The following SLIT3 variants were observed in gnomAD, a reference collection of about 807,000 sequenced individuals.
SLIT3 encodes slit homolog 3 protein.
A neutral mutation model predicts 184.0 loss-of-function variants in SLIT3; 68 were observed. The observed-to-expected ratio is 0.37, with a 90% CI of 0.30 to 0.45. SLIT3 has a LOEUF of 0.45. SLIT3 is among the 20% of genes least tolerant of loss of function. The pLI is 1.00. For missense variants in SLIT3, 1,707 were observed against 2,026.0 expected (o/e 0.84, Z 3.02); for synonymous variants, 831 against 828.6 (o/e 1.00, Z -0.05).
intron 14 of SLIT3, 22 bp downstream of exon 14, chr5:168,772,759 C>T: frequency 4.3e-6 from 7 of 1,613,824 alleles, no homozygotes; most frequent in Non-Finnish European, 5.9e-6. Context: ...GAAAGCGGGG[C>T]CCAGCCCCGT....
chr5:168,819,276 A>C (rs1372669696), intron 7 of SLIT3, among the ~76,000 whole-genome samples: 2 of 152,228 alleles, frequency 1.3e-5, no homozygotes, highest in African/African-American at 4.8e-5. Flanking sequence ...TTATTCATTA[A>C]GCATTAACCA....
chr5:168,934,892 G>A (rs1189510952), intron 4 of SLIT3, among the ~76,000 whole-genome samples: 2 of 151,448 alleles, frequency 1.3e-5, no homozygotes, highest in Non-Finnish European at 2.9e-5. Context: ...CACTTTGGGA[G>A]GCCGAGATGG....
chr5:168,988,037 C>G (rs372531018), intron 4 of SLIT3, among the ~76,000 whole-genome samples: 56 of 152,342 alleles, frequency 3.7e-4, no homozygotes, highest in African/African-American at 1.2e-3. Flanking sequence ...CTTTCAGCCA[C>G]ACTCCATCAG....
intron 5 of SLIT3, among the ~76,000 whole-genome samples, chr5:168,875,354 G>C (rs550261610): frequency 6.6e-6 from 1 of 152,032 alleles, no homozygotes; most frequent in Non-Finnish European, 1.5e-5. Context: ...GAAGGTGGCC[G>C]GGCATGGTGG....
chr5:168,743,550 C>T (rs898207436), intron 20 of SLIT3, among the ~76,000 whole-genome samples: 1 of 152,182 alleles, frequency 6.6e-6, no homozygotes, highest in Non-Finnish European at 1.5e-5. Flanking sequence ...TCTCCTCGGA[C>T]CTCCCTATTT....
At chr5:169,050,733 T>C (rs1757787761) in intron 4 of SLIT3, among the ~76,000 whole-genome samples, 2 of 152,132 alleles carry the variant, frequency 1.3e-5, no homozygotes, top group African/African-American at 4.8e-5. Context: ...ACGTTGAGCT[T>C]GCTGCCAACT....
intron 18 of SLIT3, 161 bp downstream of exon 18, chr5:168,752,794 C>T: frequency 3.0e-6 from 2 of 666,830 alleles, no homozygotes; most frequent in South Asian, 1.9e-5. Context: ...GCAGCCTCAA[C>T]ACCTAGACGA....
chr5:168,935,675 G>A (rs573051496), intron 4 of SLIT3, among the ~76,000 whole-genome samples: 1 of 152,322 alleles, frequency 6.6e-6, no homozygotes, highest in East Asian at 1.9e-4. Flanking sequence ...GTGCATTTCA[G>A]CTTTCATGGT....
intron 23 of SLIT3, among the ~76,000 whole-genome samples, chr5:168,715,957 C>A (rs1380951531): frequency 1.3e-5 from 2 of 151,590 alleles, no homozygotes; most frequent in African/African-American, 4.9e-5. Context: ...CAGGCATGAG[C>A]CACTGCGCCC....
intron 6 of SLIT3, among the ~76,000 whole-genome samples, chr5:168,830,800 T>A (rs1232689927): frequency 1.3e-5 from 2 of 152,206 alleles, no homozygotes; most frequent in Non-Finnish European, 2.9e-5. Flanking sequence ...ATATTTTTCA[T>A]CATTACACAA....
intron 6 of SLIT3, among the ~76,000 whole-genome samples, chr5:168,841,228 T>A (rs1758236055): frequency 6.6e-6 from 1 of 152,170 alleles, no homozygotes; most frequent in South Asian, 2.1e-4. Flanking sequence ...AGCTAAGCAG[T>A]TACTTGCCTT....
At chr5:169,067,945 T>G (rs1221179338) in intron 4 of SLIT3, among the ~76,000 whole-genome samples, 1 of 152,254 alleles carries the variant, frequency 6.6e-6, no homozygotes, top group African/African-American at 2.4e-5. Flanking sequence ...TGATAATTAT[T>G]AGCTGCTTTT....
intron 1 of SLIT3, among the ~76,000 whole-genome samples, chr5:169,279,951 T>G (rs1766940357): frequency 1.3e-5 from 2 of 152,220 alleles, no homozygotes; most frequent in African/African-American, 4.8e-5. Flanking sequence ...CACGCTTGCT[T>G]TTGTTCACTA....
intron 1 of SLIT3, among the ~76,000 whole-genome samples, chr5:169,295,921 G>A (rs1478655504): frequency 6.6e-6 from 1 of 152,230 alleles, no homozygotes; most frequent in Non-Finnish European, 1.5e-5. Flanking sequence ...AGAAAGCCCT[G>A]TGGTTTAAGT....
chr5:168,892,421 C>G (rs1760502461), intron 4 of SLIT3, among the ~76,000 whole-genome samples: 1 of 152,174 alleles, frequency 6.6e-6, no homozygotes, highest in Non-Finnish European at 1.5e-5. Flanking sequence ...TGTAGCTACG[C>G]AGCATCTCAT....
chr5:168,737,188 G>A (rs541057800), intron 20 of SLIT3, among the ~76,000 whole-genome samples: 14 of 152,098 alleles, frequency 9.2e-5, no homozygotes, highest in East Asian at 1.9e-4. Flanking sequence ...CTGCTGCGTC[G>A]CACTCCCCCT....
intron 4 of SLIT3, among the ~76,000 whole-genome samples, chr5:168,904,064 A>C (rs1760962577): frequency 6.6e-6 from 1 of 152,142 alleles, no homozygotes; most frequent in Admixed American, 6.6e-5. Flanking sequence ...TGTGTGAGGC[A>C]CTTGGCAAAG....
intron 3 of SLIT3, among the ~76,000 whole-genome samples, chr5:169,220,740 T>G (rs1764591996): frequency 6.6e-6 from 1 of 152,170 alleles, no homozygotes; most frequent in Non-Finnish European, 1.5e-5. Flanking sequence ...ATAGTAACAA[T>G]AAAAATACAT....
At chr5:168,687,585 C>G (rs897361946) in intron 29 of SLIT3, among the ~76,000 whole-genome samples, 1 of 152,214 alleles carries the variant, frequency 6.6e-6, no homozygotes, top group Non-Finnish European at 1.5e-5. Context: ...AGTGATAATA[C>G]TTAGTTTACA....
Sources: gnomAD v4.1 joint callset for allele counts (sites outside exome capture counted in the v4.1 genomes callset) on GRCh38, gnomAD v4.1.1 for gene constraint, MANE v1.5 for transcripts, NCBI Gene and HGNC (gene_info 2026-07-23, HGNC 2026-07-21) for gene names.